ZNF2: variants seen among roughly 807,000 people sequenced by gnomAD.
ZNF2 encodes the protein zinc finger protein 2.2.
A neutral mutation model predicts 21.9 loss-of-function variants in ZNF2; 12 were observed. That is an observed-to-expected ratio of 0.55 (90% CI 0.35 to 0.89). The LOEUF is 0.89. Among genes scored for constraint, ZNF2 ranks in the 40% least tolerant of loss-of-function variants. The pLI, the probability that ZNF2 is intolerant of heterozygous loss-of-function variation, is 0.01. For missense variants in ZNF2, 462 were observed against 544.2 expected (o/e 0.85, Z 1.50); for synonymous variants, 186 against 196.3 (o/e 0.95, Z 0.44).
At chr2:95,180,860 C>T (rs1416918427) in intron 4 of ZNF2, among the ~76,000 whole-genome samples, 2 of 152,148 alleles carry the variant, frequency 1.3e-5, no homozygotes, top group African/African-American at 4.8e-5. Context: ...GCATGCTCTC[C>T]TGATTGTCCT....
rs1432311046 is a variant in ZNF2 at position 95,182,867 on chromosome 2, C to T, written c.*761C>T. 2 of 152,174 alleles carry T rather than the reference C, an allele frequency of 1.3e-5. No individual in the cohort carries two copies. Among genetic ancestry groups the T allele is most frequent in the Admixed American group, 6.5e-5 (1 of 15,286 alleles). The allele number at this position is 152,174 out of a possible 1,614,324, so 9.4% of individuals were successfully genotyped here. A position where few individuals can be genotyped will look rare whatever the true frequency, so the allele number is the denominator to read the frequency against. ...TTTATAATTTATGTATATGTATTATCCTCTCAACTAGATTGTAAGCACTTG... is the reference window on the plus strand; with the variant it reads ...TTTATAATTTATGTATATGTATTATTCTCTCAACTAGATTGTAAGCACTTG... On this transcript the variant is annotated 3_prime_UTR_variant, in exon 5 of 5. Transcript: ENST00000614034.
chr2:95,181,408 A>T lies in ZNF2; in HGVS notation c.580A>T (p.Thr194Ser). 3.1e-6 allele frequency: 5 copies of T among 1,614,176 alleles called. No individual in the cohort carries two copies. Among genetic ancestry groups the T allele is most frequent in the African/African-American group, 1.3e-5 (1 of 75,034 alleles). Residue 194 changes from threonine (T) to serine (S), a missense_variant, in exon 5 of 5, where the codon ACT (threonine) becomes TCT (serine). Physicochemically the swap from Thr to Ser is moderately conservative, Grantham distance 58. Transcript: ENST00000614034. ...CTCATCCCTCACCCGCCATCAGAGG[A>T]CTCACACTGGGGAGAAGCCCTACGA... ...DHSSLTRHQR[T>S]HTGEKPYDCR...
chr2:95,168,938 G>A (rs1270772525), intron 1 of ZNF2, among the ~76,000 whole-genome samples: 1 of 152,232 alleles, frequency 6.6e-6, no homozygotes, highest in Non-Finnish European at 1.5e-5. Context: ...TAAGATGGGA[G>A]CAGTAAAAGC....
At chr2:95,168,489 A>C (rs538573940) in intron 1 of ZNF2, among the ~76,000 whole-genome samples, 6 of 152,240 alleles carry the variant, frequency 3.9e-5, no homozygotes, top group Admixed American at 3.3e-4. Context: ...AATGTGAAAA[A>C]CAGTGGAACC....
At chr2:95,179,102 G>A (rs371349570) in intron 3 of ZNF2, among the ~76,000 whole-genome samples, 10 of 150,596 alleles carry the variant, frequency 6.6e-5, no homozygotes, top group East Asian at 3.9e-4. Flanking sequence ...AGCAATTCTC[G>A]TGCCTCAGTC....
intron 3 of ZNF2, among the ~76,000 whole-genome samples, chr2:95,179,086 G>T (rs1255088118): frequency 6.6e-6 from 1 of 151,612 alleles, no homozygotes; most frequent in African/African-American, 2.4e-5. Context: ...CTGTCTCCAG[G>T]GTTCAAGCAA....
At chr2:95,172,638 G>GTTT (rs779777588) in intron 1 of ZNF2, among the ~76,000 whole-genome samples, 3 of 137,220 alleles carry the variant, frequency 2.2e-5, no homozygotes, top group African/African-American at 5.3e-5. Context: ...TTTCTTTGTG[G>GTTT]TTTTTTTTTT....
rs540136004 is a variant in ZNF2, at chr2:95,177,752, G to A, written c.160+143G>A. The A allele has an allele frequency of 2.7e-6, 3 of 1,124,504 alleles. No individual in the cohort carries two copies. The South Asian group carries it at 5.4e-5, about 20-fold the overall frequency. The allele number at this position is 1,124,504 out of a possible 1,614,324, so 69.7% of individuals were successfully genotyped here. A position where few individuals can be genotyped will look rare whatever the true frequency, so the allele number is the denominator to read the frequency against. ...GTAAGAGTCGAAAGATGTGGCATCA[G>A]AGTACAGCAACGGCGGGCTCAATAC... On this transcript the variant is annotated intron_variant, in intron 3 of 4. Transcript: ENST00000614034.
At position 95,181,508 on chromosome 2, in the gene ZNF2, G is replaced by T. The variant is rs751450835; in HGVS notation, c.680G>T (p.Ser227Ile). 5 of 1,614,126 alleles carry T rather than the reference G, an allele frequency of 3.1e-6. No homozygotes were observed. Among genetic ancestry groups the T allele is most frequent in the Admixed American group, 1.7e-5 (1 of 60,018 alleles). Residue 227 changes from serine to isoleucine, a missense_variant, in exon 5 of 5, where the codon AGC becomes ATC. Coordinates refer to ENST00000614034, the MANE Select transcript of ZNF2 (RefSeq NM_021088.4). ...SRHLMSHTGE[S>I]PYECSVCSKA... The stretch of plus-strand genomic sequence containing the variant: ...CATCTGATGTCACACACTGGGGAGA[G>T]CCCCTACGAGTGCAGTGTGTGCTCA...
rs1674704296 is a variant in ZNF2 at position 95,182,295 on chromosome 2, A to C, written c.*189A>C. On this transcript the variant is annotated 3_prime_UTR_variant, in exon 5 of 5. Transcript: ENST00000614034. ...TAGAACTGTAGGGGAGGCCATGGAA[A>C]TGACTCTAAAGATACAAAATTTTGA... 3 of 698,912 alleles carry C rather than the reference A, an allele frequency of 4.3e-6. No homozygotes were observed. The highest frequency in any genetic ancestry group is 3.3e-5 in the Admixed American group (1 of 30,418). 43.3% of individuals were successfully genotyped at this position (698,912 alleles called of 1,614,324 possible).
At chr2:95,176,340 C>T in intron 2 of ZNF2, 81 bp downstream of exon 2, 1 of 1,574,072 alleles carries the variant, frequency 6.4e-7, no homozygotes, top group Non-Finnish European at 8.7e-7. Context: ...CCTGGAGCCT[C>T]TTTGAGCAGA....
At position 95,181,319 on chromosome 2, in the gene ZNF2, G is replaced by A. The variant is rs752460653; in HGVS notation, c.491G>A (p.Arg164Lys). The A allele has an allele frequency of 3.1e-6, 5 of 1,614,210 alleles. No homozygotes were observed. The highest frequency in any genetic ancestry group is 4.2e-6 in the Non-Finnish European group (5 of 1,180,050). ...KGLRRRSALSREILTKERHQE... is the reference protein window; with the variant it reads ...KGLRRRSALSKEILTKERHQE... ...TTGCGGCGACGGTCAGCCCTGTCCAGGGAAATTCTCACTAAAGAGAGACAC... is the reference window on the plus strand; with the variant it reads ...TTGCGGCGACGGTCAGCCCTGTCCAAGGAAATTCTCACTAAAGAGAGACAC... Residue 164 changes from arginine (R) to lysine (K), a missense_variant, in exon 5 of 5, where the codon AGG (arginine) becomes AAG (lysine). Physicochemically the swap from Arg to Lys is conservative, Grantham distance 26 (BLOSUM62 2). Transcript: ENST00000614034.
At position 95,181,233 on chromosome 2, in the gene ZNF2, A is replaced by C. The variant is rs1169706864; in HGVS notation, c.405A>C (p.Gly135=). Residue 135 remains glycine (G), a synonymous_variant, in exon 5 of 5, where the codon GGA becomes GGC. Coordinates refer to ENST00000614034, the MANE Select transcript of ZNF2 (RefSeq NM_021088.4). The stretch of plus-strand genomic sequence containing the variant: ...TTCATACACCCAATGGCAGGATGGG[A>C]ACAGAAAAGCAAAGCCCTTCAGGGG... ...FEVHTPNGRM[G]TEKQSPSGET... 1 of 1,614,062 alleles carries C rather than the reference A, an allele frequency of 6.2e-7. No homozygotes were observed. Among genetic ancestry groups the C allele is most frequent in the Non-Finnish European group, 8.5e-7 (1 of 1,180,038 alleles).
At chr2:95,176,322 TTCTC>T (rs1674443819) in intron 2 of ZNF2, 63 bp downstream of exon 2, 1 of 1,607,186 alleles carries the variant, frequency 6.2e-7, no homozygotes, top group Non-Finnish European at 8.5e-7. Context: ...CCACTTTTCT[TTCTC>T]TATCCTGGAG....
At chr2:95,170,627 T>TA (rs1425546803) in intron 1 of ZNF2, among the ~76,000 whole-genome samples, 1 of 152,266 alleles carries the variant, frequency 6.6e-6, no homozygotes, top group Non-Finnish European at 1.5e-5. Flanking sequence ...AACAGACCAG[T>TA]AAATATCTAT....
rs565838590 is a variant in ZNF2, at chr2:95,181,424, A to G, written c.596A>G (p.Lys199Arg). The G allele has an allele frequency of 6.2e-7, 1 of 1,614,082 alleles. No individual in the cohort carries two copies. The highest frequency in any genetic ancestry group is 1.3e-5 in the African/African-American group (1 of 75,030). Residue 199 changes from lysine (K) to arginine (R), a missense_variant, in exon 5 of 5, where the codon AAG becomes AGG. Lys to Arg is a conservative substitution (Grantham distance 26, BLOSUM62 2). Coordinates refer to ENST00000614034, the MANE Select transcript of ZNF2 (RefSeq NM_021088.4). ...CATCAGAGGACTCACACTGGGGAGA[A>G]GCCCTACGACTGCCGCGAGTGTGGG... ...TRHQRTHTGE[K>R]PYDCRECGKA...
chr2:95,177,427 C>T (rs531743258), intron 2 of ZNF2, 56 bp from the exon 3 acceptor site: 12 of 1,577,048 alleles, frequency 7.6e-6, no homozygotes, highest in Admixed American at 5.4e-5. Flanking sequence ...CATTTTTGGT[C>T]TGGTCCAAGT....
At chr2:95,180,118 TCA>T (rs1674587298) in intron 3 of ZNF2, 39 bp from the exon 4 acceptor site, 1 of 1,411,300 alleles carries the variant, frequency 7.1e-7, no homozygotes, top group Non-Finnish European at 1.0e-6. Flanking sequence ...ATTATTTTCA[TCA>T]CACACAGCCA....
At chr2:95,175,562 T>C (rs1030991277) in intron 1 of ZNF2, among the ~76,000 whole-genome samples, 2 of 152,194 alleles carry the variant, frequency 1.3e-5, no homozygotes, top group African/African-American at 4.8e-5. Context: ...ATGATATCCT[T>C]TCAGCTCGTC....
Sources: allele counts gnomAD v4.1 joint callset (sites outside exome capture counted in the v4.1 genomes callset), GRCh38; gene constraint gnomAD v4.1.1; transcripts MANE v1.5; gene names NCBI Gene and HGNC (gene_info 2026-07-23, HGNC 2026-07-21).